SGCZ: variants seen among roughly 807,000 people sequenced by gnomAD.
SGCZ encodes zeta-sarcoglycan.
SGCZ carries 40 observed loss-of-function variants against 41.3 expected under a neutral mutation model. The ratio of observed to expected loss-of-function variants is 0.97; its 90% confidence interval spans 0.75 to 1.26. The LOEUF is 1.26. Ranked by LOEUF, SGCZ falls within the 50% of genes most tolerant of loss-of-function variation. SGCZ has a pLI of 0.00. For missense variants in SGCZ, 552 were observed against 369.8 expected, an observed-to-expected ratio of 1.49 and a Z score of -4.04; for synonymous variants, 206 against 137.5, an observed-to-expected ratio of 1.50 and a Z score of -3.49.
intron 1 of SGCZ, among the ~76,000 whole-genome samples, chr8:15,097,715 T>G (rs1445052361): frequency 7.2e-6 from 1 of 139,186 alleles, no homozygotes; most frequent in African/African-American, 2.7e-5. Context: ...CGCGACAGAG[T>G]GAGAGCTTAT....
intron 1 of SGCZ, among the ~76,000 whole-genome samples, chr8:15,159,623 T>C (rs60714936): frequency 0.011 from 1,721 of 152,202 alleles, 27 homozygotes; most frequent in African/African-American, 0.039. Flanking sequence ...CCCATATATT[T>C]CATCATAGAA....
intron 1 of SGCZ, among the ~76,000 whole-genome samples, chr8:14,821,177 T>C (rs1321003720): frequency 2.0e-5 from 3 of 152,008 alleles, no homozygotes; most frequent in Non-Finnish European, 4.4e-5. Context: ...TAAGAGACTA[T>C]TATGAATGAA....
At chr8:14,199,444 G>C (rs192610358) in intron 4 of SGCZ, among the ~76,000 whole-genome samples, 38 of 152,174 alleles carry the variant, frequency 2.5e-4, no homozygotes, top group Non-Finnish European at 4.1e-4. Context: ...TGGTCCTTTG[G>C]TCCTGTGATC....
chr8:14,863,336 A>G (rs1005954968), intron 1 of SGCZ, among the ~76,000 whole-genome samples: 6 of 151,924 alleles, frequency 3.9e-5, no homozygotes, highest in African/African-American at 1.2e-4. Flanking sequence ...TATTATTACT[A>G]TTTTTAGAGA....
intron 3 of SGCZ, among the ~76,000 whole-genome samples, chr8:14,243,664 A>G (rs1798971507): frequency 6.6e-6 from 1 of 152,104 alleles, no homozygotes; most frequent in South Asian, 2.1e-4. Context: ...CATACCACTT[A>G]TATTTATTTT....
intron 3 of SGCZ, among the ~76,000 whole-genome samples, chr8:14,241,377 T>C (rs951575017): frequency 1.3e-5 from 2 of 150,176 alleles, no homozygotes; most frequent in Non-Finnish European, 3.0e-5. Flanking sequence ...AAGTAGTTAA[T>C]ATATTGCATG....
Position 14,775,096 on chromosome 8 carries a change from G to T in SGCZ, c.40-220170C>A, listed in dbSNP as rs780565382. On this transcript the variant is annotated intron_variant, in intron 1 of 7. Transcript: ENST00000382080. ...ATTGCACTAATAAAACTAAACAAAT[G>T]TACAAAAAGGGTGATGGATCTTGGC... 4.5e-4 allele frequency among the ~76,000 whole-genome samples: 68 copies of T among 152,082 alleles called. 1 individual carries two copies. Among genetic ancestry groups the T allele is most frequent in the Non-Finnish European group, 1.9e-4 (13 of 67,988 alleles).
At chr8:14,480,154 C>G (rs1341191364) in intron 2 of SGCZ, among the ~76,000 whole-genome samples, 1 of 152,176 alleles carries the variant, frequency 6.6e-6, no homozygotes, top group Non-Finnish European at 1.5e-5. Context: ...TACTTCTACA[C>G]TGAAACAGTT....
At chr8:14,610,937 C>T (rs998979725) in intron 1 of SGCZ, among the ~76,000 whole-genome samples, 9 of 152,126 alleles carry the variant, frequency 5.9e-5, no homozygotes, top group African/African-American at 2.2e-4. Flanking sequence ...TCCAAACCTT[C>T]ATATTAATTC....
intron 1 of SGCZ, among the ~76,000 whole-genome samples, chr8:14,723,524 C>A (rs879394736): frequency 6.6e-6 from 1 of 152,104 alleles, no homozygotes; most frequent in African/African-American, 2.4e-5. Context: ...GACAGCTCCA[C>A]GGAGCCTGGC....
chr8:15,065,396 A>G (rs1585527657), intron 1 of SGCZ, among the ~76,000 whole-genome samples: 1 of 150,216 alleles, frequency 6.7e-6, no homozygotes, highest in East Asian at 2.0e-4. Context: ...CTATGGCATC[A>G]CTTATCACAT....
intron 6 of SGCZ, 105 bp from the exon 7 acceptor site, chr8:14,102,604 C>G: frequency 1.4e-5 from 15 of 1,055,118 alleles, no homozygotes; most frequent in Non-Finnish European, 1.8e-5. Context: ...TTGGTCAAAA[C>G]AACAACCAGA....
In SGCZ at chr8:15,237,585, C is replaced by A; in HGVS notation, c.39G>T (p.Lys13Asn). 1 of 1,589,846 alleles carries A rather than the reference C, an allele frequency of 6.3e-7. No individual in the cohort carries two copies. The change falls in exon 1 of 8, where the codon AAG becomes AAT. Residue 13 changes from lysine to asparagine, a missense_variant and splice_region_variant. Coordinates refer to ENST00000382080, the MANE Select transcript of SGCZ (RefSeq NM_139167.4). ...GAAGCCCGCCCGGACCCGCACGTAC[C>A]TTGAGCTCCTCAATGTCCAGGTTCG... Reference protein sequence around the residue: ...RSTNLDIEELKMTREQYILAT... With the variant: ...RSTNLDIEELNMTREQYILAT...
In SGCZ at chr8:14,355,040, A is replaced by G. The variant is rs370825140; in HGVS notation, c.235-30836T>C. Among the ~76,000 whole-genome samples the G allele has an allele frequency of 4.6e-5, 7 of 152,114 alleles. No homozygotes were observed. The South Asian group carries it at 8.3e-4, about 18-fold the overall frequency. On this transcript the variant is annotated intron_variant, in intron 2 of 7. Transcript: ENST00000382080. ...TCAATTTCAATTTGGCAAGCTAGCA[A>G]TTCAATTCTTACAAATAAGACATTT...
chr8:15,076,160 G>A (rs918917243), intron 1 of SGCZ, among the ~76,000 whole-genome samples: 2 of 152,116 alleles, frequency 1.3e-5, no homozygotes, highest in African/African-American at 4.8e-5. Flanking sequence ...AAGATATTGT[G>A]AGCCATTTTT....
chr8:14,254,172 T>C (rs1441324140), intron 3 of SGCZ, among the ~76,000 whole-genome samples: 1 of 152,154 alleles, frequency 6.6e-6, no homozygotes, highest in Non-Finnish European at 1.5e-5. Flanking sequence ...AATCAGCTTG[T>C]TCCTAGAGGT....
intron 1 of SGCZ, among the ~76,000 whole-genome samples, chr8:15,128,289 G>A (rs1444875639): frequency 6.6e-6 from 1 of 152,152 alleles, no homozygotes; most frequent in Non-Finnish European, 1.5e-5. Flanking sequence ...GAAATGCTGG[G>A]TTCCCAAAAC....
intron 2 of SGCZ, among the ~76,000 whole-genome samples, chr8:14,484,633 T>C (rs1473059966): frequency 6.6e-6 from 1 of 152,176 alleles, no homozygotes; most frequent in Non-Finnish European, 1.5e-5. Context: ...TTTTAAGAAA[T>C]ATACATTTTT....
chr8:15,094,135 T>C (rs1806250210), intron 1 of SGCZ, among the ~76,000 whole-genome samples: 1 of 152,056 alleles, frequency 6.6e-6, no homozygotes, highest in Non-Finnish European at 1.5e-5. Flanking sequence ...TTATGGTTTT[T>C]TTTAAATTTT....
Sources: allele counts gnomAD v4.1 joint callset (sites outside exome capture counted in the v4.1 genomes callset), GRCh38; gene constraint gnomAD v4.1.1; transcripts MANE v1.5; gene names NCBI Gene and HGNC (gene_info 2026-07-23, HGNC 2026-07-21).